Variants in DNAH3 observed in about 807,000 individuals in gnomAD.
DNAH3 encodes dynein axonemal heavy chain 3, also known as axonemal beta dynein heavy chain 3.
A neutral mutation model predicts 432.5 loss-of-function variants in DNAH3; 332 were observed. The observed-to-expected ratio is 0.77, with a 90% CI of 0.70 to 0.84. DNAH3 has a LOEUF of 0.84. DNAH3 is among the 40% of genes least tolerant of loss of function. The probability of loss-of-function intolerance (pLI) is 0.00; values close to 1 mark genes in which losing one functional copy is unlikely to be tolerated. For synonymous variants in DNAH3, 1,956 were observed against 1,900.2 expected, an observed-to-expected ratio of 1.03 and a Z score of -0.76; for missense variants, 4,861 against 5,114.0, an observed-to-expected ratio of 0.95 and a Z score of 1.51.
intron 44 of DNAH3, among the ~76,000 whole-genome samples, chr16:20,995,933 G>A (rs1022210874): frequency 6.6e-6 from 1 of 152,210 alleles, no homozygotes; most frequent in East Asian, 1.9e-4. Context: ...CTTCCTCTCA[G>A]GTCCATTCCT....
At chr16:21,096,844 C>T (rs892259845) in intron 18 of DNAH3, among the ~76,000 whole-genome samples, 3 of 152,132 alleles carry the variant, frequency 2.0e-5, no homozygotes, top group African/African-American at 7.2e-5. Flanking sequence ...CAAAGGTCAG[C>T]TAGTAAGTTC....
intron 20 of DNAH3, among the ~76,000 whole-genome samples, chr16:21,080,426 C>T (rs11865887): frequency 0.44 from 66,933 of 152,108 alleles, 14,705 homozygotes; most frequent in East Asian, 0.48. Flanking sequence ...CATTTCAATA[C>T]TAATCAGTAT....
At chr16:20,964,305 G>T in exon 53 of DNAH3, 1 of 1,614,186 alleles carries the variant, frequency 6.2e-7, no homozygotes, top group Non-Finnish European at 8.5e-7. Flanking sequence ...TGATCATGAA[G>T]TTGAGGAGAC....
At chr16:21,023,786 G>GGTGT (rs3220045) in intron 39 of DNAH3, among the ~76,000 whole-genome samples, 19,227 of 146,338 alleles carry the variant, frequency 0.13, 1,429 homozygotes, top group African/African-American at 0.2. Context: ...CAGCTTTTGG[G>GGTGT]GTGTGTGTGT....
intron 60 of DNAH3, among the ~76,000 whole-genome samples, chr16:20,935,811 C>T (rs1287504463): frequency 6.6e-6 from 1 of 150,524 alleles, no homozygotes; most frequent in East Asian, 2.0e-4. Flanking sequence ...CCATTGCACT[C>T]CAGCCTGAGT....
intron 44 of DNAH3, among the ~76,000 whole-genome samples, chr16:20,995,789 C>A (rs894503566): frequency 3.3e-4 from 50 of 152,168 alleles, no homozygotes; most frequent in African/African-American, 1.2e-3. Flanking sequence ...GGCTAGCATC[C>A]CCTTCAGAGC....
At chr16:21,095,045 T>C (rs1428329433) in intron 18 of DNAH3, among the ~76,000 whole-genome samples, 2 of 152,158 alleles carry the variant, frequency 1.3e-5, no homozygotes, top group East Asian at 1.9e-4. Context: ...TATTTCTTCA[T>C]AGCAGTATGA....
chr16:21,000,510 T>C, exon 43 of DNAH3: 1 of 1,602,692 alleles, frequency 6.2e-7, no homozygotes, highest in South Asian at 1.1e-5. Context: ...GGATGATGAG[T>C]TCTGAGACCT....
chr16:21,041,730 G>A (rs1371462080), intron 32 of DNAH3, among the ~76,000 whole-genome samples: 4 of 152,080 alleles, frequency 2.6e-5, no homozygotes, highest in East Asian at 3.8e-4. Context: ...GTGCAACGGC[G>A]CTATCTCCGG....
chr16:20,990,983 T>C (rs1408374697), intron 44 of DNAH3, among the ~76,000 whole-genome samples: 1 of 152,032 alleles, frequency 6.6e-6, no homozygotes, highest in Non-Finnish European at 1.5e-5. Context: ...ATTGTGCCAC[T>C]GCACTCCAGC....
chr16:21,108,486 G>C (rs2091997193), intron 14 of DNAH3, among the ~76,000 whole-genome samples: 1 of 152,180 alleles, frequency 6.6e-6, no homozygotes, highest in Non-Finnish European at 1.5e-5. Context: ...GCTCACGCCT[G>C]TAATCCCAGC....
intron 47 of DNAH3, among the ~76,000 whole-genome samples, chr16:20,986,150 C>G (rs570024610): frequency 5.3e-5 from 8 of 151,776 alleles, no homozygotes; most frequent in African/African-American, 1.9e-4. Flanking sequence ...GCCACTGTGC[C>G]CGGCCCAGTC....
At chr16:21,059,016 T>TA (rs1235968256) in intron 26 of DNAH3, among the ~76,000 whole-genome samples, 1 of 151,970 alleles carries the variant, frequency 6.6e-6, no homozygotes, top group Non-Finnish European at 1.5e-5. Context: ...AAATAAAATT[T>TA]AAAAAAATTT....
intron 5 of DNAH3, among the ~76,000 whole-genome samples, chr16:21,139,971 G>C (rs2092697832): frequency 6.6e-6 from 1 of 151,250 alleles, no homozygotes. Context: ...TTTTAGTAGA[G>C]ACGGGGTTTC....
chr16:20,968,172 G>A (rs985466578), intron 52 of DNAH3, among the ~76,000 whole-genome samples: 2 of 152,180 alleles, frequency 1.3e-5, no homozygotes, highest in Non-Finnish European at 2.9e-5. Flanking sequence ...AGGCTCAAGC[G>A]TTCCTCTCTT....
intron 16 of DNAH3, chr16:21,104,219 C>T: frequency 2.8e-6 from 1 of 361,718 alleles, no homozygotes; most frequent in East Asian, 5.0e-5. Context: ...TTTCTCTCTG[C>T]ACCACCAAAT....
intron 61 of DNAH3, among the ~76,000 whole-genome samples, 159 bp downstream of exon 61, chr16:20,935,189 G>T (rs1279891950): frequency 6.6e-6 from 1 of 152,138 alleles, no homozygotes; most frequent in Non-Finnish European, 1.5e-5. Context: ...TTTAGGAGTA[G>T]CTTTTAGAGC....
At chr16:21,158,775 TCCGGGTGCC>T (rs2092921097) in intron 1 of DNAH3, 2 of 153,568 alleles carry the variant, frequency 1.3e-5, no homozygotes, top group South Asian at 4.0e-4. Context: ...GGGGTGGGGG[TCCGGGTGCC>T]CCGGGTGGCT....
intron 19 of DNAH3, among the ~76,000 whole-genome samples, chr16:21,085,028 G>C (rs1243921282): frequency 6.6e-6 from 1 of 150,704 alleles, no homozygotes; most frequent in East Asian, 2.0e-4. Context: ...GGCACCCCGT[G>C]AGCACCAGCT....
Sources: allele counts gnomAD v4.1 joint callset (sites outside exome capture counted in the v4.1 genomes callset), GRCh38; gene constraint gnomAD v4.1.1; transcripts MANE v1.5; gene names NCBI Gene and HGNC (gene_info 2026-07-23, HGNC 2026-07-21).